SPRED1: variants seen among roughly 807,000 people sequenced by gnomAD.
SPRED1 encodes the protein sprouty-related, EVH1 domain-containing protein 1.
In SPRED1, 18 loss-of-function variants were observed where a neutral mutation model predicts 52.3. That is an observed-to-expected ratio of 0.34 (90% confidence interval 0.24 to 0.51). The LOEUF (loss-of-function observed/expected upper bound fraction) is 0.51. Ranked by LOEUF, SPRED1 falls within the 20% of genes least tolerant of loss-of-function variation. The pLI is 0.97. For missense variants in SPRED1, 485 were observed against 551.0 expected (o/e 0.88, Z 1.20); for synonymous variants, 155 against 179.7 (o/e 0.86, Z 1.10).
At chr15:38,265,573 G>A (rs1445101009) in intron 1 of SPRED1, among the ~76,000 whole-genome samples, 1 of 151,784 alleles carries the variant, frequency 6.6e-6, no homozygotes, top group African/African-American at 2.4e-5. Context: ...AGAGGTAGAT[G>A]TAACTAGTCT....
rs566207904 is a variant in SPRED1 at position 38,279,048 on chromosome 15, G to A, written c.33-20325G>A. Among the ~76,000 whole-genome samples, 31 of 152,038 alleles carry A rather than the reference G, an allele frequency of 2.0e-4. No individual in the cohort carries two copies. In the East Asian group the frequency reaches 3.9e-3, roughly 19 times the overall value. ...TCACCATGTTGGTCAGGCTGGTCTC[G>A]AACTCCTGACCTCATGACCTACCCT... is the stretch of plus-strand genomic sequence containing the variant. On this transcript the variant is annotated intron_variant, in intron 1 of 6. Transcript: ENST00000299084.
At chr15:38,328,961 C>G (rs1895761008) in intron 4 of SPRED1, among the ~76,000 whole-genome samples, 1 of 152,150 alleles carries the variant, frequency 6.6e-6, no homozygotes, top group African/African-American at 2.4e-5. Flanking sequence ...AGTGATCCAC[C>G]CACCCACCTT....
chr15:38,309,298 A>C (rs919639838), intron 2 of SPRED1, among the ~76,000 whole-genome samples: 1 of 151,804 alleles, frequency 6.6e-6, no homozygotes, highest in Non-Finnish European at 1.5e-5. Flanking sequence ...GCATCACCAC[A>C]CCTGGCTAAT....
At position 38,291,558 on chromosome 15, in the gene SPRED1, G is replaced by T. The variant is rs188068575; in HGVS notation, c.33-7815G>T. Among the ~76,000 whole-genome samples, 90 of 152,356 alleles carry T rather than the reference G, an allele frequency of 5.9e-4. 1 individual carries two copies. In the East Asian group the frequency reaches 0.014, roughly 23 times the overall value. ...GAAGCACTTTTGCCTGGGCATCCAG[G>T]TGTTTCCATATATCTTCTGAAATGT... On this transcript the variant is annotated intron_variant, in intron 1 of 6. Coordinates refer to ENST00000299084, the MANE Select transcript of SPRED1 (RefSeq NM_152594.3).
intron 1 of SPRED1, among the ~76,000 whole-genome samples, chr15:38,257,750 C>G (rs1227791169): frequency 6.6e-6 from 1 of 152,158 alleles, no homozygotes; most frequent in Non-Finnish European, 1.5e-5. Flanking sequence ...CTCCCTTTCC[C>G]CCATGGTTCC....
intron 2 of SPRED1, 101 bp from the exon 3 acceptor site, chr15:38,322,140 T>G: frequency 8.7e-7 from 1 of 1,152,006 alleles, no homozygotes; most frequent in Non-Finnish European, 1.3e-6. Flanking sequence ...AAATTATTCA[T>G]TAAAAAGTAA....
At chr15:38,293,586 G>C (rs961734313) in intron 1 of SPRED1, among the ~76,000 whole-genome samples, 2 of 152,138 alleles carry the variant, frequency 1.3e-5, no homozygotes, top group Admixed American at 6.5e-5. Flanking sequence ...TCCTTCATTA[G>C]GGTTAATGCA....
At chr15:38,263,264 C>T (rs965094677) in intron 1 of SPRED1, among the ~76,000 whole-genome samples, 3 of 152,102 alleles carry the variant, frequency 2.0e-5, no homozygotes. Flanking sequence ...GGGAAAATAA[C>T]CCAGTTTTGA....
intron 1 of SPRED1, among the ~76,000 whole-genome samples, chr15:38,296,197 T>TAATC (rs1339857988): frequency 6.6e-6 from 1 of 152,106 alleles, no homozygotes; most frequent in African/African-American, 2.4e-5. Flanking sequence ...ATAGGCTTGG[T>TAATC]AATCACAAAG....
chr15:38,341,602 G>A (rs906663671), intron 5 of SPRED1, among the ~76,000 whole-genome samples: 1 of 151,934 alleles, frequency 6.6e-6, no homozygotes, highest in African/African-American at 2.4e-5. Flanking sequence ...ACCTATCATT[G>A]GCAAAATGAT....
chr15:38,268,773 T>C (rs1894364892), intron 1 of SPRED1, among the ~76,000 whole-genome samples: 1 of 152,200 alleles, frequency 6.6e-6, no homozygotes, highest in South Asian at 2.1e-4. Flanking sequence ...GGCTTCAGTC[T>C]CTTAACCTTG....
At chr15:38,339,932 T>A in intron 5 of SPRED1, 37 bp downstream of exon 5, 1 of 1,613,042 alleles carries the variant, frequency 6.2e-7, no homozygotes, top group South Asian at 1.1e-5. Flanking sequence ...GCGTTGTTTA[T>A]ATGTGTAGAA....
At chr15:38,261,768 A>G (rs1012922861) in intron 1 of SPRED1, among the ~76,000 whole-genome samples, 3 of 152,182 alleles carry the variant, frequency 2.0e-5, no homozygotes, top group Admixed American at 6.5e-5. Flanking sequence ...TAGTGATACT[A>G]TTGCATGTGA....
chr15:38,268,911 G>C (rs1894368116), intron 1 of SPRED1, among the ~76,000 whole-genome samples: 1 of 150,854 alleles, frequency 6.6e-6, no homozygotes. Flanking sequence ...TGTAGAAACA[G>C]AAATCATATT....
chr15:38,268,630 A>G (rs1894362385), intron 1 of SPRED1, among the ~76,000 whole-genome samples: 2 of 152,222 alleles, frequency 1.3e-5, no homozygotes, highest in African/African-American at 4.8e-5. Context: ...TAAATGATAA[A>G]TCATCATACA....
intron 1 of SPRED1, among the ~76,000 whole-genome samples, chr15:38,279,123 G>A (rs1894630629): frequency 6.6e-6 from 1 of 152,172 alleles, no homozygotes; most frequent in South Asian, 2.1e-4. Flanking sequence ...ACCATGCCCA[G>A]CCTCCTAACT....
Position 38,351,792 on chromosome 15 carries a change from C to G in SPRED1, c.*128C>G, listed in dbSNP as rs1270979927. 1.1e-5 allele frequency: 12 copies of G among 1,135,478 alleles called. No homozygotes were observed. The highest frequency in any genetic ancestry group is 1.5e-5 in the Non-Finnish European group (12 of 788,794). The allele number at this position is 1,135,478 out of a possible 1,614,324, so 70.3% of individuals were successfully genotyped here. A position where few individuals can be genotyped will look rare whatever the true frequency, so the allele number is the denominator to read the frequency against. On this transcript the variant is annotated 3_prime_UTR_variant, in exon 7 of 7. Coordinates refer to ENST00000299084, the MANE Select transcript of SPRED1 (RefSeq NM_152594.3). Reference sequence around the variant, plus strand: ...TCATTGAGCCCACACATGGAGGAAGCAGAACTCATCAGTTCTTGGCGTTTC... The same window carrying G: ...TCATTGAGCCCACACATGGAGGAAGGAGAACTCATCAGTTCTTGGCGTTTC...
intron 2 of SPRED1, among the ~76,000 whole-genome samples, chr15:38,320,018 G>A (rs1309001061): frequency 6.6e-6 from 1 of 152,120 alleles, no homozygotes; most frequent in Non-Finnish European, 1.5e-5. Flanking sequence ...GTACAGATAT[G>A]ACAGACATAA....
rs1896205550 is a variant in SPRED1, at chr15:38,349,409, G to C, written c.583-13G>C. On this transcript the variant is annotated splice_polypyrimidine_tract_variant and intron_variant, in intron 5 of 6. Transcript: ENST00000299084. Reference sequence around the variant, plus strand: ...TTCTTGTGTCATTTAAGTAGAAATTGTTTGTATTTTAGATAACATTTGGTC... The same window carrying C: ...TTCTTGTGTCATTTAAGTAGAAATTCTTTGTATTTTAGATAACATTTGGTC... 1 of 1,584,144 alleles carries C rather than the reference G, an allele frequency of 6.3e-7. No individual in the cohort carries two copies. Among genetic ancestry groups the C allele is most frequent in the Admixed American group, 1.7e-5 (1 of 59,802 alleles).
Sources: gnomAD v4.1 joint callset for allele counts (sites outside exome capture counted in the v4.1 genomes callset) on GRCh38, gnomAD v4.1.1 for gene constraint, MANE v1.5 for transcripts, NCBI Gene and HGNC (gene_info 2026-07-23, HGNC 2026-07-21) for gene names.